The following KCNH5 variants were observed in gnomAD, a reference collection of about 807,000 sequenced individuals.
KCNH5 encodes potassium voltage-gated channel subfamily H member 5.
A neutral mutation model predicts 96.1 loss-of-function variants in KCNH5; 46 were observed. The ratio of observed to expected loss-of-function variants is 0.48; its 90% CI spans 0.38 to 0.61. The LOEUF (loss-of-function observed/expected upper bound fraction) is 0.61. Among genes scored for constraint, KCNH5 ranks in the 20% least tolerant of loss-of-function variants. The probability of loss-of-function intolerance (pLI) is 0.00; values close to 1 mark genes in which losing one functional copy is unlikely to be tolerated. For synonymous variants in KCNH5, 439 were observed against 449.8 expected, an observed-to-expected ratio of 0.98 and a Z score of 0.30; for missense variants, 907 against 1,225.8, an observed-to-expected ratio of 0.74 and a Z score of 3.88.
intron 9 of KCNH5, among the ~76,000 whole-genome samples, chr14:62,787,835 C>T (rs1441525261): frequency 1.3e-5 from 2 of 152,136 alleles, no homozygotes; most frequent in Non-Finnish European, 2.9e-5. Flanking sequence ...TATTTTAAGC[C>T]TACTGTTGAG....
intron 7 of KCNH5, among the ~76,000 whole-genome samples, chr14:62,934,169 T>A (rs1173031026): frequency 6.6e-6 from 1 of 151,382 alleles, no homozygotes. Context: ...TCTCACTCTG[T>A]CACCCAGGCT....
chr14:63,006,020 T>C (rs1311955316), intron 3 of KCNH5, among the ~76,000 whole-genome samples: 2 of 152,232 alleles, frequency 1.3e-5, no homozygotes, highest in African/African-American at 4.8e-5. Context: ...AATTACCGTT[T>C]TCTTTAACCA....
At position 62,702,005 on chromosome 14, in the gene KCNH5, A is replaced by G. The variant is rs1240795525; in HGVS notation, c.*5503T>C. On this transcript the variant is annotated 3_prime_UTR_variant, in exon 11 of 11. Transcript: ENST00000322893. ...AGTCAAAAAATAAATTTTAAAAATA[A>G]ATTCTGGAGTCTCATCCAAATCCCA... The G allele has an allele frequency of 6.6e-6, 1 of 152,072 alleles. No individual in the cohort carries two copies. The highest frequency in any genetic ancestry group is 1.5e-5 in the Non-Finnish European group (1 of 67,962). The allele number at this position is 152,072 out of a possible 1,614,324, so 9.4% of individuals were successfully genotyped here.
At chr14:62,816,042 T>C (rs1474067664) in intron 8 of KCNH5, among the ~76,000 whole-genome samples, 1 of 151,906 alleles carries the variant, frequency 6.6e-6, no homozygotes, top group Non-Finnish European at 1.5e-5. Flanking sequence ...TTCAGATACA[T>C]ACATACATAT....
At chr14:62,929,727 A>T (rs976885195) in intron 7 of KCNH5, among the ~76,000 whole-genome samples, 1 of 151,874 alleles carries the variant, frequency 6.6e-6, no homozygotes, top group African/African-American at 2.4e-5. Context: ...ATACGTGTAG[A>T]TTTGTTACAT....
At chr14:62,898,797 A>G (rs1888866367) in intron 7 of KCNH5, among the ~76,000 whole-genome samples, 1 of 152,314 alleles carries the variant, frequency 6.6e-6, no homozygotes, top group East Asian at 1.9e-4. Flanking sequence ...TAGAGGTATC[A>G]TAAATTATTG....
chr14:62,727,311 G>A (rs1238341530), intron 10 of KCNH5, among the ~76,000 whole-genome samples: 1 of 152,090 alleles, frequency 6.6e-6, no homozygotes, highest in Non-Finnish European at 1.5e-5. Context: ...GTGACAGTGA[G>A]CCGAGATCAC....
intron 3 of KCNH5, 78 bp from the exon 4 acceptor site, chr14:63,001,537 T>C: frequency 7.2e-7 from 1 of 1,392,492 alleles, no homozygotes; most frequent in South Asian, 1.5e-5. Flanking sequence ...CTGGCTTCCT[T>C]CTTCCTTCAG....
At chr14:62,843,637 C>G (rs570030863) in intron 8 of KCNH5, among the ~76,000 whole-genome samples, 1 of 151,984 alleles carries the variant, frequency 6.6e-6, no homozygotes, top group African/African-American at 2.4e-5. Context: ...GTCTCGATCT[C>G]CTCACCTCGT....
intron 7 of KCNH5, among the ~76,000 whole-genome samples, chr14:62,866,172 G>T (rs1242566843): frequency 6.6e-6 from 1 of 152,116 alleles, no homozygotes; most frequent in African/African-American, 2.4e-5. Context: ...TTAGAAGCTG[G>T]CCGAAAAGTA....
At chr14:62,936,048 G>A (rs1889674225) in intron 7 of KCNH5, among the ~76,000 whole-genome samples, 1 of 152,166 alleles carries the variant, frequency 6.6e-6, no homozygotes, top group African/African-American at 2.4e-5. Flanking sequence ...GGGAGAGCCA[G>A]AAAGAGAGAA....
chr14:63,025,247 G>A (rs188007554), intron 1 of KCNH5, among the ~76,000 whole-genome samples: 1 of 151,938 alleles, frequency 6.6e-6, no homozygotes, highest in East Asian at 1.9e-4. Flanking sequence ...ACACAATAAA[G>A]GCCATAACAA....
chr14:62,953,911 C>A (rs1890052748), intron 6 of KCNH5, among the ~76,000 whole-genome samples: 1 of 152,140 alleles, frequency 6.6e-6, no homozygotes, highest in Non-Finnish European at 1.5e-5. Flanking sequence ...AACTGTCTAA[C>A]CATGTCCCTC....
At chr14:62,902,664 A>C (rs1347154249) in intron 7 of KCNH5, among the ~76,000 whole-genome samples, 2 of 152,026 alleles carry the variant, frequency 1.3e-5, no homozygotes, top group Non-Finnish European at 2.9e-5. Context: ...CAAATCACTT[A>C]ATTTTTCTTT....
chr14:62,977,186 C>A (rs1449992884), intron 6 of KCNH5, among the ~76,000 whole-genome samples: 1 of 151,948 alleles, frequency 6.6e-6, no homozygotes, highest in East Asian at 1.9e-4. Flanking sequence ...GACTGGCCAT[C>A]ATGGTGAAAT....
chr14:62,707,517 G>T lies in KCNH5; in HGVS notation c.2958C>A (p.Ile986=). 1 of 1,432,020 alleles carries T rather than the reference G, an allele frequency of 7.0e-7. No homozygotes were observed. The highest frequency in any genetic ancestry group is 9.2e-7 in the Non-Finnish European group (1 of 1,082,408). The allele number at this position is 1,432,020 out of a possible 1,614,324, so 88.7% of individuals were successfully genotyped here. A position where few individuals can be genotyped will look rare whatever the true frequency, so the allele number is the denominator to read the frequency against. Residue 986 remains isoleucine, a synonymous_variant, in exon 11 of 11, where the codon ATC becomes ATA. Transcript: ENST00000322893. The part of the protein sequence containing the change: ...PESPESDKDE[I]HF The stretch of plus-strand genomic sequence containing the variant: ...TATATATGTATATATATTAAAAGTG[G>T]ATTTCATCTTTGTCAGATTCAGGTG...
At chr14:63,037,460 CA>C (rs1469749367) in intron 1 of KCNH5, among the ~76,000 whole-genome samples, 1 of 152,118 alleles carries the variant, frequency 6.6e-6, no homozygotes, top group Non-Finnish European at 1.5e-5. Context: ...GAGAGCCAAG[CA>C]AAAGGATCAG....
At chr14:62,720,084 G>T (rs928636994) in intron 10 of KCNH5, among the ~76,000 whole-genome samples, 1 of 152,198 alleles carries the variant, frequency 6.6e-6, no homozygotes, top group Admixed American at 6.5e-5. Context: ...GTATCTATGG[G>T]GAGGTGATAT....
In KCNH5 at chr14:62,849,966, A is replaced by G. The variant is rs1168310576; in HGVS notation, c.1370-114T>C. On this transcript the variant is annotated intron_variant, in intron 7 of 10. Coordinates refer to ENST00000322893, the MANE Select transcript of KCNH5 (RefSeq NM_139318.5). ...GACATCCTTATAAACTTGCAGGGGT[A>G]AATACATGTTGAACTCTGAGAAGAC... 4 of 812,456 alleles carry G rather than the reference A, an allele frequency of 4.9e-6. No homozygotes were observed. The Admixed American group carries it at 6.7e-5, about 14-fold the overall frequency. The allele number at this position is 812,456 out of a possible 1,614,324, so 50.3% of individuals were successfully genotyped here. A position where few individuals can be genotyped will look rare whatever the true frequency, so the allele number is the denominator to read the frequency against.
Sources: gnomAD v4.1 joint callset for allele counts (sites outside exome capture counted in the v4.1 genomes callset) on GRCh38, gnomAD v4.1.1 for gene constraint, MANE v1.5 for transcripts, NCBI Gene and HGNC (gene_info 2026-07-23, HGNC 2026-07-21) for gene names.